NEMF: variants seen among roughly 807,000 people sequenced by gnomAD.
NEMF encodes ribosome quality control complex subunit NEMF.
Under a neutral mutation model 162.2 loss-of-function variants are expected in NEMF, and 89 were observed. The observed-to-expected ratio is 0.55, with a 90% CI of 0.46 to 0.65. The LOEUF (loss-of-function observed/expected upper bound fraction) is 0.65. Ranked by LOEUF, NEMF falls within the 30% of genes least tolerant of loss-of-function variation. NEMF has a pLI of 0.00. For missense variants in NEMF, 1,133 were observed against 1,261.9 expected, an observed-to-expected ratio of 0.90 and a Z score of 1.55; for synonymous variants, 421 against 404.5, an observed-to-expected ratio of 1.04 and a Z score of -0.49.
At chr14:49,830,878 T>G (rs1052800591) in intron 11 of NEMF, among the ~76,000 whole-genome samples, 2 of 152,184 alleles carry the variant, frequency 1.3e-5, no homozygotes, top group African/African-American at 2.4e-5. Context: ...GAAAACATAT[T>G]AAGACTTGGC....
At chr14:49,813,759 G>A (rs1481280193) in intron 18 of NEMF, among the ~76,000 whole-genome samples, 1 of 151,442 alleles carries the variant, frequency 6.6e-6, no homozygotes, top group Non-Finnish European at 1.5e-5. Flanking sequence ...GCATGCCACT[G>A]CACCCAGCTT....
chr14:49,797,395 G>T (rs1172775262), intron 25 of NEMF: 1 of 151,576 alleles, frequency 6.6e-6, no homozygotes, highest in Non-Finnish European at 1.5e-5. Flanking sequence ...ACTTTGGGAG[G>T]CCAAGGCGGG....
At chr14:49,799,242 T>TTCA (rs902236441) in intron 25 of NEMF, among the ~76,000 whole-genome samples, 1 of 88,130 alleles carries the variant, frequency 1.1e-5, no homozygotes, top group Non-Finnish European at 2.6e-5. Flanking sequence ...AAGGAAAATG[T>TTCA]TAAGTGAGGA....
At position 49,846,248 on chromosome 14, in the gene NEMF, C is replaced by A. The variant is rs1449642829; in HGVS notation, c.249G>T (p.Lys83Asn). 4 of 1,611,280 alleles carry A rather than the reference C, an allele frequency of 2.5e-6. No individual in the cohort carries two copies. Among genetic ancestry groups the A allele is most frequent in the African/African-American group, 1.3e-5 (1 of 74,792 alleles). ...SFAMKCRKHLKSRRLVSAKQL... is the reference protein window; with the variant it reads ...SFAMKCRKHLNSRRLVSAKQL... ...GTTTTGCACTGACTAATCTCCGACT[C>A]TTCAAATGTTTTCGGCACTAGCAAG... The change falls in exon 4 of 33, where the codon AAG becomes AAT. Residue 83 changes from lysine (K) to asparagine (N), a missense_variant. This residue lies in a region of NEMF where 582 missense variants were observed against 631.5 expected (regional missense o/e 0.92). Transcript: ENST00000298310.
intron 4 of NEMF, among the ~76,000 whole-genome samples, chr14:49,843,289 T>G (rs1032714053): frequency 6.6e-6 from 1 of 151,536 alleles, no homozygotes; most frequent in Non-Finnish European, 1.5e-5. Context: ...GAGCCAGGGG[T>G]CCAAGGTCAG....
chr14:49,829,766 G>A (rs563209382), intron 11 of NEMF, among the ~76,000 whole-genome samples: 36 of 152,192 alleles, frequency 2.4e-4, no homozygotes, highest in Non-Finnish European at 4.4e-4. Context: ...TTGGGAGAAC[G>A]AATTCTTTAT....
chr14:49,842,844 AAG>A, intron 4 of NEMF, among the ~76,000 whole-genome samples: 1 of 152,190 alleles, frequency 6.6e-6, no homozygotes, highest in East Asian at 1.9e-4. Context: ...CTGTTTTACT[AAG>A]AGTACAAAAA....
In NEMF at chr14:49,783,703, A is replaced by AT. The variant is rs1315756388; in HGVS notation, c.*932dup. 6.6e-6 allele frequency: 1 copy of AT among 152,136 alleles called. No homozygotes were observed. The highest frequency in any genetic ancestry group is 1.5e-5 in the Non-Finnish European group (1 of 68,028). The allele number at this position is 152,136 out of a possible 1,614,324, so 9.4% of individuals were successfully genotyped here. A position where few individuals can be genotyped will look rare whatever the true frequency, so the allele number is the denominator to read the frequency against. Reference sequence around the variant, plus strand: ...GATACTCTAACGTGCTATATTGGTAATTAATTACTAAAGGTGGAAATTAAA... The same window carrying AT: ...GATACTCTAACGTGCTATATTGGTAATTTAATTACTAAAGGTGGAAATTAAA... On this transcript the variant is annotated 3_prime_UTR_variant, in exon 33 of 33. Transcript: ENST00000298310.
intron 26 of NEMF, among the ~76,000 whole-genome samples, chr14:49,791,096 G>A (rs1325245247): frequency 6.6e-6 from 1 of 152,124 alleles, no homozygotes; most frequent in Non-Finnish European, 1.5e-5. Context: ...AGCACTTTGG[G>A]TGGCCGAGGC....
chr14:49,794,190 C>G (rs1199011802), intron 26 of NEMF, among the ~76,000 whole-genome samples: 1 of 152,100 alleles, frequency 6.6e-6, no homozygotes, highest in Admixed American at 6.6e-5. Context: ...AAATATTTTA[C>G]TACCTCATAG....
chr14:49,838,828 C>T (rs746263297), intron 5 of NEMF, among the ~76,000 whole-genome samples: 1 of 152,078 alleles, frequency 6.6e-6, no homozygotes, highest in Non-Finnish European at 1.5e-5. Flanking sequence ...TTGTGATCCG[C>T]CCACCTTGGC....
rs1180700393 is a variant in NEMF, at chr14:49,833,496, T to A, written c.662A>T (p.Asp221Val). ...VKVDEKLETK[D>V]IEKVLVSLQK... ...CAGAGAAACAAGTACTTTTTCAATATCTAATGGTGGGGGAAAAAAAGGAAA... is the reference window on the plus strand; with the variant it reads ...CAGAGAAACAAGTACTTTTTCAATAACTAATGGTGGGGGAAAAAAAGGAAA... The change falls in exon 8 of 33, where the codon GAT (aspartate) becomes GTT (valine). Residue 221 changes from aspartate (D) to valine (V), a missense_variant and splice_region_variant. Transcript: ENST00000298310. The A allele has an allele frequency of 1.3e-6, 2 of 1,562,966 alleles. No homozygotes were observed. Among genetic ancestry groups the A allele is most frequent in the Non-Finnish European group, 8.7e-7 (1 of 1,147,778 alleles).
chr14:49,846,112 T>A (rs759395554), intron 4 of NEMF, 28 bp downstream of exon 4: 1 of 1,598,884 alleles, frequency 6.3e-7, no homozygotes, highest in South Asian at 1.1e-5. Flanking sequence ...GAAATTTTCC[T>A]TCACCATATC....
chr14:49,828,818 T>C lies in NEMF; in HGVS notation c.1233-11A>G, dbSNP rs757934561. 6.6e-7 allele frequency: 1 copy of C among 1,514,128 alleles called. No homozygotes were observed. The highest frequency in any genetic ancestry group is 1.3e-5 in the South Asian group (1 of 77,998). The allele number at this position is 1,514,128 out of a possible 1,614,324, so 93.8% of individuals were successfully genotyped here. A position where few individuals can be genotyped will look rare whatever the true frequency, so the allele number is the denominator to read the frequency against. On this transcript the variant is annotated splice_polypyrimidine_tract_variant and intron_variant, in intron 13 of 32. Coordinates refer to ENST00000298310, the MANE Select transcript of NEMF (RefSeq NM_004713.6). Reference sequence around the variant, plus strand: ...AACAAGTATGGATTTCTATTAAAAATATTCAATAGCATTTCACTAACGTCA... The same window carrying C: ...AACAAGTATGGATTTCTATTAAAAACATTCAATAGCATTTCACTAACGTCA...
At chr14:49,847,262 C>T (rs969524586) in intron 3 of NEMF, among the ~76,000 whole-genome samples, 2 of 151,962 alleles carry the variant, frequency 1.3e-5, no homozygotes, top group African/African-American at 4.8e-5. Context: ...AGTACAGTAG[C>T]ACAATCTTGG....
At chr14:49,836,471 G>A (rs1892909367) in intron 6 of NEMF, among the ~76,000 whole-genome samples, 1 of 152,062 alleles carries the variant, frequency 6.6e-6, no homozygotes, top group Non-Finnish European at 1.5e-5. Flanking sequence ...GGACAACATG[G>A]TAAAACCCTG....
chr14:49,849,368 C>T lies in NEMF; in HGVS notation c.231+2195G>A, dbSNP rs542743050. 7.2e-5 allele frequency among the ~76,000 whole-genome samples: 11 copies of T among 152,296 alleles called. No individual in the cohort carries two copies. The South Asian group carries it at 2.1e-3, about 29-fold the overall frequency. ...TACATATTTAAAGCTTGTTTCATTT[C>T]CCTATCAACAGCTTGGTGAAATCAA... On this transcript the variant is annotated intron_variant, in intron 3 of 32. Coordinates refer to ENST00000298310, the MANE Select transcript of NEMF (RefSeq NM_004713.6).
chr14:49,836,655 G>C (rs1375341694), intron 6 of NEMF, among the ~76,000 whole-genome samples: 1 of 151,440 alleles, frequency 6.6e-6, no homozygotes, highest in Non-Finnish European at 1.5e-5. Context: ...AAATGCAGAA[G>C]ATCTTTTGAA....
At chr14:49,842,301 C>T (rs1344441736) in intron 4 of NEMF, among the ~76,000 whole-genome samples, 3 of 151,856 alleles carry the variant, frequency 2.0e-5, no homozygotes, top group African/African-American at 4.8e-5. Context: ...CAAAGACACA[C>T]AAAAAAGTTA....
Sources: gnomAD v4.1 joint callset for allele counts (sites outside exome capture counted in the v4.1 genomes callset) on GRCh38, gnomAD v4.1.1 for gene constraint, gnomAD v4.1.1 regional missense constraint, MANE v1.5 for transcripts, NCBI Gene and HGNC (gene_info 2026-07-23, HGNC 2026-07-21) for gene names.